DRC9: variants seen among roughly 807,000 people sequenced by gnomAD.
The protein encoded by DRC9 is dynein regulatory complex protein 9.
chr3:197,896,975 G>T, the DRC9 span, among the ~76,000 whole-genome samples: 1 of 152,132 alleles, frequency 6.6e-6, no homozygotes, highest in South Asian at 2.1e-4. Flanking sequence ...AGATTTGGGT[G>T]GGGACACTGA....
the DRC9 span, chr3:197,949,499 A>AT: frequency 0.016 from 2,352 of 149,524 alleles, 70 homozygotes; most frequent in African/African-American, 0.054. Context: ...CATTTCATTC[A>AT]TTTTTTTTTT....
chr3:197,926,263 C>T, the DRC9 span, among the ~76,000 whole-genome samples: 5 of 152,092 alleles, frequency 3.3e-5, no homozygotes, highest in South Asian at 6.2e-4. Context: ...GCATCTCTAT[C>T]GAGTTCCCAA....
chr3:197,948,602 T>C, the DRC9 span, among the ~76,000 whole-genome samples: 9 of 152,234 alleles, frequency 5.9e-5, no homozygotes, highest in Admixed American at 1.3e-4. Flanking sequence ...ATATAGAACT[T>C]TGACAAATCA....
At chr3:197,929,501 G>T in the DRC9 span, among the ~76,000 whole-genome samples, 2 of 152,176 alleles carry the variant, frequency 1.3e-5, no homozygotes, top group Non-Finnish European at 2.9e-5. The surrounding 1 kb of genome is among the most constrained non-coding windows in gnomAD (Gnocchi z 4.6). Flanking sequence ...GCCAGGTGCG[G>T]TGGCTCACAC....
the DRC9 span, among the ~76,000 whole-genome samples, chr3:197,945,099 G>A: frequency 2.0e-5 from 3 of 152,116 alleles, no homozygotes; most frequent in Non-Finnish European, 2.9e-5. Flanking sequence ...ACACCACACC[G>A]AGCAGGACTA....
the DRC9 span, among the ~76,000 whole-genome samples, chr3:197,946,292 G>A: frequency 1.1e-4 from 16 of 151,722 alleles, no homozygotes; most frequent in South Asian, 6.2e-4. Context: ...AAAATTAGCC[G>A]GGCGTGGTGG....
chr3:197,926,615 C>T, the DRC9 span, among the ~76,000 whole-genome samples: 1 of 152,274 alleles, frequency 6.6e-6, no homozygotes, highest in South Asian at 2.1e-4. Flanking sequence ...GCAAGGGTCC[C>T]GGCTTCTAGG....
the DRC9 span, among the ~76,000 whole-genome samples, chr3:197,927,877 T>C: frequency 1.3e-5 from 2 of 151,394 alleles, no homozygotes; most frequent in South Asian, 2.1e-4. Context: ...AAACACCGCA[T>C]GTTCTCATTC....
chr3:197,941,162 CCT>C, the DRC9 span, among the ~76,000 whole-genome samples: 1 of 132,920 alleles, frequency 7.5e-6, no homozygotes, highest in African/African-American at 2.8e-5. Flanking sequence ...CTCCCTCCTT[CCT>C]CTCTCTCCTC....
At chr3:197,945,851 A>G in the DRC9 span, among the ~76,000 whole-genome samples, 1 of 152,220 alleles carries the variant, frequency 6.6e-6, no homozygotes, top group Admixed American at 6.5e-5. Context: ...AGCCTCCGAC[A>G]TCATGGAGTG....
chr3:197,954,924 T>C, the DRC9 span, among the ~76,000 whole-genome samples: 1 of 152,234 alleles, frequency 6.6e-6, no homozygotes, highest in African/African-American at 2.4e-5. Flanking sequence ...TTCCATCATG[T>C]CAGTCTTGTT....
chr3:197,905,580 CACTAAAAAAAAT>C, the DRC9 span, among the ~76,000 whole-genome samples: 1 of 151,726 alleles, frequency 6.6e-6, no homozygotes, highest in Non-Finnish European at 1.5e-5. Context: ...ACCCTGTCTC[CACTAAAAAAAAT>C]ACAAAATTAC....
At chr3:197,905,408 T>C in the DRC9 span, among the ~76,000 whole-genome samples, 1 of 152,030 alleles carries the variant, frequency 6.6e-6, no homozygotes. Flanking sequence ...GAGTTTAAAA[T>C]AGAAACAATT....
the DRC9 span, among the ~76,000 whole-genome samples, chr3:197,929,606 TA>T: frequency 1.3e-4 from 19 of 151,882 alleles, no homozygotes; most frequent in Admixed American, 3.3e-4. This position sits in a 1 kb window ranked among gnomAD's most constrained non-coding sequence, Gnocchi z 4.6. Context: ...ACTTCATCTC[TA>T]AAAAAACAAA....
chr3:197,892,502 C>T, the DRC9 span: 50 of 1,206,178 alleles, frequency 4.1e-5, no homozygotes, highest in East Asian at 7.1e-5. Context: ...ACTCCTTCCT[C>T]GGTGAGCACC....
chr3:197,955,258 CAT>C, the DRC9 span, among the ~76,000 whole-genome samples: 3 of 151,636 alleles, frequency 2.0e-5, no homozygotes, highest in Non-Finnish European at 2.9e-5. Context: ...ACCTTCAGTA[CAT>C]GTTTTTCTTT....
the DRC9 span, among the ~76,000 whole-genome samples, chr3:197,895,974 CA>C: frequency 5.0e-3 from 294 of 58,978 alleles, 1 homozygote; most frequent in African/African-American, 8.0e-3. Context: ...GACCCTGTCT[CA>C]AAAAAAAAAA....
chr3:197,906,495 C>A, the DRC9 span: 2 of 147,688 alleles, frequency 1.4e-5, no homozygotes, highest in East Asian at 2.0e-4. Context: ...AACAAAACAA[C>A]AAAAAAAACT....
chr3:197,937,092 C>T, the DRC9 span, among the ~76,000 whole-genome samples: 3 of 152,170 alleles, frequency 2.0e-5, no homozygotes, highest in Admixed American at 6.6e-5. Flanking sequence ...AACAAATGGG[C>T]GATGCCGTAT....
Sources: allele counts gnomAD v4.1 joint callset (sites outside exome capture counted in the v4.1 genomes callset), GRCh38; gene constraint gnomAD v4.1.1; non-coding constraint Gnocchi (gnomAD v3.1); transcripts MANE v1.5; gene names NCBI Gene and HGNC (gene_info 2026-07-23, HGNC 2026-07-21).